Variants in ZNF385B observed in about 807,000 individuals in gnomAD.
ZNF385B encodes the protein zinc finger protein 385B.
ZNF385B carries 23 observed loss-of-function variants against 39.2 expected under a neutral mutation model. That is an observed-to-expected ratio of 0.59 (90% CI 0.42 to 0.83). The LOEUF (loss-of-function observed/expected upper bound fraction) is 0.83. ZNF385B is among the 40% of genes least tolerant of loss of function. The pLI, the probability that ZNF385B is intolerant of heterozygous loss-of-function variation, is 0.00. For missense variants in ZNF385B, 552 were observed against 598.9 expected (o/e 0.92, Z 0.82); for synonymous variants, 205 against 222.6 (o/e 0.92, Z 0.70).
intron 5 of ZNF385B, among the ~76,000 whole-genome samples, chr2:179,511,777 T>C (rs1427794496): frequency 6.6e-6 from 1 of 152,128 alleles, no homozygotes; most frequent in Non-Finnish European, 1.5e-5. Context: ...TGGCATGAGG[T>C]TGTCACCTTA....
In ZNF385B at chr2:179,462,008, A is replaced by C. The variant is rs181603655; in HGVS notation, c.716-15238T>G. On this transcript the variant is annotated intron_variant, in intron 6 of 9. Transcript: ENST00000410066. ...TCACCAAGGCCACAATTTCAATAGA[A>C]TTGCACTTTGTGCTTTCTGAGGTCT... Among the ~76,000 whole-genome samples, 824 of 152,324 alleles carry C rather than the reference A, an allele frequency of 5.4e-3. 27 individuals carry two copies. Among genetic ancestry groups the C allele is most frequent in the Admixed American group, 0.049 (750 of 15,300 alleles).
chr2:179,827,415 CA>C (rs1370353151), intron 1 of ZNF385B, among the ~76,000 whole-genome samples: 1 of 152,048 alleles, frequency 6.6e-6, no homozygotes, highest in Non-Finnish European at 1.5e-5. Flanking sequence ...TCTATTAATT[CA>C]AATATCTGAT....
chr2:179,498,418 C>G (rs1264453158), intron 5 of ZNF385B, among the ~76,000 whole-genome samples: 1 of 151,860 alleles, frequency 6.6e-6, no homozygotes, highest in Non-Finnish European at 1.5e-5. Flanking sequence ...GGATCATTCT[C>G]AAGAACAGAT....
chr2:179,746,034 A>G, intron 3 of ZNF385B: 4 of 1,089,878 alleles, frequency 3.7e-6, no homozygotes, highest in Non-Finnish European at 4.5e-6. Flanking sequence ...TGCTGAAACC[A>G]GAAGCACTGT....
chr2:179,728,776 A>C (rs1426459654), intron 3 of ZNF385B, among the ~76,000 whole-genome samples: 1 of 152,194 alleles, frequency 6.6e-6, no homozygotes, highest in Non-Finnish European at 1.5e-5. Context: ...AACGAGTAAT[A>C]GAAATCAATG....
intron 1 of ZNF385B, among the ~76,000 whole-genome samples, chr2:179,849,730 G>C (rs1708983213): frequency 6.6e-6 from 1 of 152,216 alleles, no homozygotes; most frequent in Non-Finnish European, 1.5e-5. Context: ...CTATCTGCTA[G>C]ACACTTGAAT....
At chr2:179,617,851 T>G (rs756371903) in intron 3 of ZNF385B, among the ~76,000 whole-genome samples, 28 of 152,176 alleles carry the variant, frequency 1.8e-4, no homozygotes, top group Non-Finnish European at 2.5e-4. Context: ...TTTTCAACCC[T>G]TCTAGAGAGA....
chr2:179,443,257 G>A lies in ZNF385B; in HGVS notation c.1454C>T (p.Pro485Leu), dbSNP rs2049120638. 3 of 1,612,362 alleles carry A rather than the reference G, an allele frequency of 1.9e-6. No homozygotes were observed. The highest frequency in any genetic ancestry group is 1.3e-5 in the African/African-American group (1 of 75,006). Residue 485 changes from proline to leucine, a missense_variant, in exon 10 of 10, where the codon CCG becomes CTG. Transcript: ENST00000410066. ...RATPASILFA[P>L]Y ...TCTTGGGGTTTGCAGACGTTAGTAC[G>A]GAGCAAAGAGGATGGAGGCAGGAGT...
intron 3 of ZNF385B, among the ~76,000 whole-genome samples, chr2:179,758,357 C>T (rs538503166): frequency 9.9e-5 from 15 of 152,280 alleles, no homozygotes; most frequent in East Asian, 9.7e-4. Flanking sequence ...TCCAAGATGA[C>T]GCCTTGTTGC....
intron 3 of ZNF385B, among the ~76,000 whole-genome samples, chr2:179,711,804 T>C (rs1157685199): frequency 6.6e-6 from 1 of 151,764 alleles, no homozygotes; most frequent in African/African-American, 2.4e-5. Context: ...ACTGCAAAAA[T>C]GCTATATAAA....
intron 3 of ZNF385B, among the ~76,000 whole-genome samples, chr2:179,692,151 A>G (rs565593609): frequency 1.3e-5 from 2 of 151,838 alleles, no homozygotes; most frequent in Non-Finnish European, 2.9e-5. Flanking sequence ...ATCCCTTCTT[A>G]CCCCTCTACC....
chr2:179,479,712 C>A (rs72950544), intron 6 of ZNF385B, among the ~76,000 whole-genome samples: 32,368 of 151,890 alleles, frequency 0.21, 4,079 homozygotes, highest in East Asian at 0.46. Context: ...TAGTGGTGGG[C>A]ACCTGTAATC....
intron 1 of ZNF385B, among the ~76,000 whole-genome samples, chr2:179,813,585 T>A (rs1297278624): frequency 5.9e-5 from 9 of 152,142 alleles, no homozygotes; most frequent in African/African-American, 2.2e-4. Flanking sequence ...AATAGAAAAA[T>A]AAATGACTAC....
At chr2:179,722,461 T>G (rs569683564) in intron 3 of ZNF385B, among the ~76,000 whole-genome samples, 1 of 152,252 alleles carries the variant, frequency 6.6e-6, no homozygotes, top group South Asian at 2.1e-4. Context: ...ACTTGGTTTT[T>G]GGTACAGTGA....
At chr2:179,693,711 G>A (rs552300624) in intron 3 of ZNF385B, among the ~76,000 whole-genome samples, 2 of 152,212 alleles carry the variant, frequency 1.3e-5, no homozygotes, top group South Asian at 2.1e-4. Context: ...TCACAGGTAC[G>A]AACAGATTGA....
At chr2:179,653,080 G>A (rs1693355423) in intron 3 of ZNF385B, among the ~76,000 whole-genome samples, 1 of 152,114 alleles carries the variant, frequency 6.6e-6, no homozygotes, top group Non-Finnish European at 1.5e-5. Context: ...GGTTATCTCT[G>A]TTCTAAATGC....
chr2:179,767,523 C>A (rs1703773583), intron 3 of ZNF385B, among the ~76,000 whole-genome samples: 1 of 152,002 alleles, frequency 6.6e-6, no homozygotes, highest in Non-Finnish European at 1.5e-5. Context: ...TCTGAATACA[C>A]AAAAGTGAGA....
intron 1 of ZNF385B, among the ~76,000 whole-genome samples, chr2:179,810,645 ATATCT>A (rs1706676448): frequency 6.6e-6 from 1 of 152,026 alleles, no homozygotes; most frequent in African/African-American, 2.4e-5. Context: ...TTCTATTAAA[ATATCT>A]TATTCTATTA....
chr2:179,591,438 C>T (rs1482245339), intron 3 of ZNF385B, among the ~76,000 whole-genome samples: 1 of 152,138 alleles, frequency 6.6e-6, no homozygotes, highest in Admixed American at 6.5e-5. Context: ...AGCAGTATTA[C>T]AGAACCCAGT....
Sources: gnomAD v4.1 joint callset for allele counts (sites outside exome capture counted in the v4.1 genomes callset) on GRCh38, gnomAD v4.1.1 for gene constraint, MANE v1.5 for transcripts, NCBI Gene and HGNC (gene_info 2026-07-23, HGNC 2026-07-21) for gene names.